The following SRGAP2 variants were observed in gnomAD, a reference collection of about 807,000 sequenced individuals.
The protein encoded by SRGAP2 is SLIT-ROBO Rho GTPase-activating protein 2.
In SRGAP2, 15 loss-of-function variants were observed where a neutral mutation model predicts 57.2. That is an observed-to-expected ratio of 0.26 (90% CI 0.18 to 0.40). SRGAP2 has a LOEUF of 0.40. Among genes scored for constraint, SRGAP2 ranks in the 10% least tolerant of loss-of-function variants. SRGAP2 has a pLI of 1.00. For synonymous variants in SRGAP2, 249 were observed against 248.0 expected (o/e 1.00, Z -0.04); for missense variants, 520 against 669.6 (o/e 0.78, Z 2.47).
At chr1:206,276,423 C>T (rs1431980500) in intron 2 of SRGAP2, among the ~76,000 whole-genome samples, 1 of 147,866 alleles carries the variant, frequency 6.8e-6, no homozygotes, top group Non-Finnish European at 1.5e-5. Context: ...TTCCACTTCC[C>T]CTCCCTTATA....
chr1:206,310,098 C>G lies in SRGAP2; in HGVS notation c.260+6625C>G, dbSNP rs1438080440. The stretch of plus-strand genomic sequence containing the variant: ...CATGTATAAGGTATTGTGAGAGATG[C>G]AAAGATGACTAAAACAAGCCCCAAA... On this transcript the variant is annotated intron_variant, in intron 3 of 22. Transcript: ENST00000573034. Among the ~76,000 whole-genome samples, 6 of 151,798 alleles carry G rather than the reference C, an allele frequency of 4.0e-5. No individual in the cohort carries two copies. The East Asian group carries it at 1.2e-3, about 29-fold the overall frequency.
intron 14 of SRGAP2, among the ~76,000 whole-genome samples, chr1:206,435,219 C>A: frequency 6.6e-6 from 1 of 152,300 alleles, no homozygotes; most frequent in South Asian, 2.1e-4. Context: ...TCAGTCCCGG[C>A]CTATGTGGTT....
intron 3 of SRGAP2, among the ~76,000 whole-genome samples, chr1:206,327,342 A>G (rs71245106): frequency 0.11 from 16,759 of 150,802 alleles, 2,079 homozygotes; most frequent in African/African-American, 0.31. Flanking sequence ...AAAAAAAAAA[A>G]GAAGTGTTCC....
chr1:206,446,827 T>A (rs2336939), intron 18 of SRGAP2, among the ~76,000 whole-genome samples: 88,601 of 152,070 alleles, frequency 0.58, 27,024 homozygotes, highest in African/African-American at 0.76. Context: ...GGTTAGGGAC[T>A]GTCCTCCCCT....
At chr1:206,319,820 T>C (rs1439381986) in intron 3 of SRGAP2, among the ~76,000 whole-genome samples, 1 of 142,794 alleles carries the variant, frequency 7.0e-6, no homozygotes, top group Non-Finnish European at 1.5e-5. Context: ...TGTTTTTTGT[T>C]TTTTGCGATG....
At chr1:206,240,031 C>T (rs1346969706) in intron 2 of SRGAP2, among the ~76,000 whole-genome samples, 1 of 151,576 alleles carries the variant, frequency 6.6e-6, no homozygotes, top group African/African-American at 2.4e-5. Flanking sequence ...TTTGGGAGGC[C>T]AAGGCGGGCG....
At chr1:206,434,463 A>G (rs2103306918) in intron 14 of SRGAP2, among the ~76,000 whole-genome samples, 1 of 152,342 alleles carries the variant, frequency 6.6e-6, no homozygotes, top group East Asian at 1.9e-4. Flanking sequence ...AGCTTAGTCC[A>G]AGTCTGATGA....
Position 206,386,942 on chromosome 1 carries a change from G to A in SRGAP2, c.486+2866G>A, listed in dbSNP as rs1448601967. ...GATCGAGACCATCCTGGCTAACACG[G>A]TGAAAACCCATCTCTACTAAAAATG... is the stretch of plus-strand genomic sequence containing the variant. On this transcript the variant is annotated intron_variant, in intron 5 of 22. Coordinates refer to ENST00000573034, the MANE Select transcript of SRGAP2 (RefSeq NM_015326.5). Among the ~76,000 whole-genome samples, 7 of 151,882 alleles carry A rather than the reference G, an allele frequency of 4.6e-5. 1 individual carries two copies. Among genetic ancestry groups the A allele is most frequent in the African/African-American group, 1.7e-4 (7 of 41,424 alleles).
chr1:206,372,964 C>CCTTTCTTTCTTT, intron 4 of SRGAP2, among the ~76,000 whole-genome samples: 1 of 23,342 alleles, frequency 4.3e-5, no homozygotes, highest in East Asian at 2.1e-3. Flanking sequence ...TCTTTTCTTT[C>CCTTTCTTTCTTT]CTTTCTTTCT....
Position 206,458,746 on chromosome 1 carries a change from C to G in SRGAP2, c.2631C>G (p.Ser877=), listed in dbSNP as rs782636422. The change falls in exon 22 of 23, where the codon TCC becomes TCG. Residue 877 remains serine, a synonymous_variant. Coordinates refer to ENST00000573034, the MANE Select transcript of SRGAP2 (RefSeq NM_015326.5). ...PGVGASCRPS[S]QPIMSQSLPK... ...TGGGGGCTAGCTGCCGCCCATCCTC[C>G]CAGCCCATCATGAGCCAGAGCCTCC... 4 of 780,794 alleles carry G rather than the reference C, an allele frequency of 5.1e-6. No homozygotes were observed. Among genetic ancestry groups the G allele is most frequent in the Middle Eastern group, 2.3e-4 (1 of 4,442 alleles). The allele number at this position is 780,794 out of a possible 1,614,324, so 48.4% of individuals were successfully genotyped here.
At chr1:206,375,382 A>C (rs576235404) in intron 4 of SRGAP2, among the ~76,000 whole-genome samples, 1 of 151,874 alleles carries the variant, frequency 6.6e-6, no homozygotes, top group East Asian at 2.0e-4. Context: ...TCATCTTCAG[A>C]ATGACCTCAA....
In SRGAP2 at chr1:206,462,279, C is replaced by G. The variant is rs1471539298; in HGVS notation, c.*859C>G. On this transcript the variant is annotated 3_prime_UTR_variant, in exon 23 of 23. Transcript: ENST00000573034. ...TTTTTCTGAATGTATAGACATTTCT[C>G]GGGTTCCTACCTTTGTCTCTGATGG... The G allele has an allele frequency of 6.6e-6, 1 of 152,582 alleles. No individual in the cohort carries two copies. The highest frequency in any genetic ancestry group is 2.1e-4 in the South Asian group (1 of 4,826). The allele number at this position is 152,582 out of a possible 1,614,324, so 9.5% of individuals were successfully genotyped here. A position where few individuals can be genotyped will look rare whatever the true frequency, so the allele number is the denominator to read the frequency against.
chr1:206,258,312 G>C (rs1669319134), intron 2 of SRGAP2, among the ~76,000 whole-genome samples: 1 of 152,154 alleles, frequency 6.6e-6, no homozygotes, highest in South Asian at 2.1e-4. Flanking sequence ...TTTCAACAGA[G>C]AACATATGGC....
At chr1:206,426,558 T>G (rs181630241) in intron 13 of SRGAP2, among the ~76,000 whole-genome samples, 156 of 152,308 alleles carry the variant, frequency 1.0e-3, no homozygotes, top group Non-Finnish European at 1.9e-3. Flanking sequence ...TCCATACTGT[T>G]TTTTTGCGGT....
intron 17 of SRGAP2, among the ~76,000 whole-genome samples, chr1:206,441,261 C>T (rs1662270591): frequency 6.6e-6 from 1 of 152,034 alleles, no homozygotes; most frequent in Non-Finnish European, 1.5e-5. Flanking sequence ...GGAATCCAAC[C>T]CTTAAGGGAG....
intron 2 of SRGAP2, among the ~76,000 whole-genome samples, chr1:206,229,419 T>C (rs1163125547): frequency 1.3e-5 from 2 of 151,958 alleles, no homozygotes; most frequent in African/African-American, 4.9e-5. Flanking sequence ...TCTTGACCAT[T>C]TTCATTTTCT....
At chr1:206,298,985 C>T (rs1409587466) in intron 2 of SRGAP2, among the ~76,000 whole-genome samples, 2 of 152,066 alleles carry the variant, frequency 1.3e-5, no homozygotes, top group African/African-American at 2.4e-5. Flanking sequence ...CCTGTCTTTT[C>T]CTCCTTTGTC....
chr1:206,295,354 G>A (rs1343769641), intron 2 of SRGAP2, among the ~76,000 whole-genome samples: 1 of 152,134 alleles, frequency 6.6e-6, no homozygotes, highest in East Asian at 1.9e-4. Context: ...CTCCCAAGTA[G>A]CTAGGATTAC....
intron 2 of SRGAP2, among the ~76,000 whole-genome samples, chr1:206,292,715 C>T (rs1425809481): frequency 2.0e-5 from 3 of 147,970 alleles, no homozygotes; most frequent in Non-Finnish European, 4.4e-5. Flanking sequence ...CTTTTTAATT[C>T]TACATGCTGT....
Sources: allele counts gnomAD v4.1 joint callset (sites outside exome capture counted in the v4.1 genomes callset), GRCh38; gene constraint gnomAD v4.1.1; transcripts MANE v1.5; gene names NCBI Gene and HGNC (gene_info 2026-07-23, HGNC 2026-07-21).